Variants in TMEM108 observed in about 807,000 individuals in gnomAD.
TMEM108 encodes the protein transmembrane protein 108, also known as cancer/testis antigen 124.
Under a neutral mutation model 35.1 loss-of-function variants are expected in TMEM108, and 12 were observed. The observed-to-expected ratio is 0.34, with a 90% CI of 0.22 to 0.55. The LOEUF (loss-of-function observed/expected upper bound fraction) is 0.55, where lower values mean the gene tolerates loss of function less well. Ranked by LOEUF, TMEM108 falls within the 20% of genes least tolerant of loss-of-function variation. The pLI, the probability that TMEM108 is intolerant of heterozygous loss-of-function variation, is 0.89. For missense variants in TMEM108, 680 were observed against 753.3 expected, an observed-to-expected ratio of 0.90 and a Z score of 1.14; for synonymous variants, 287 against 308.6, an observed-to-expected ratio of 0.93 and a Z score of 0.73.
At chr3:133,176,904 T>C (rs1387403318) in intron 2 of TMEM108, among the ~76,000 whole-genome samples, 1 of 151,668 alleles carries the variant, frequency 6.6e-6, no homozygotes, top group Non-Finnish European at 1.5e-5. Context: ...ATCAACAAAA[T>C]TGATAGACCG....
chr3:133,301,211 C>A (rs991604935), intron 3 of TMEM108, among the ~76,000 whole-genome samples: 1 of 152,128 alleles, frequency 6.6e-6, no homozygotes, highest in Non-Finnish European at 1.5e-5. Flanking sequence ...CAAGGTGCCT[C>A]ACTTCATTCT....
chr3:133,197,677 C>T (rs764366290), intron 2 of TMEM108, among the ~76,000 whole-genome samples: 2 of 146,450 alleles, frequency 1.4e-5, no homozygotes, highest in East Asian at 2.1e-4. Context: ...AGCCTGCACC[C>T]GAGGTAGAAT....
intron 3 of TMEM108, among the ~76,000 whole-genome samples, chr3:133,306,699 A>T (rs1299793396): frequency 1.3e-5 from 2 of 152,080 alleles, no homozygotes; most frequent in Non-Finnish European, 2.9e-5. Context: ...ACATGAACTC[A>T]TCCTTTTTTA....
At chr3:133,351,266 C>T (rs915595382) in intron 3 of TMEM108, among the ~76,000 whole-genome samples, 2 of 152,132 alleles carry the variant, frequency 1.3e-5, no homozygotes, top group Non-Finnish European at 2.9e-5. Context: ...TTTATTTCAC[C>T]TGTGTGTCTG....
At chr3:133,360,056 A>G (rs2072299444) in intron 3 of TMEM108, among the ~76,000 whole-genome samples, 1 of 151,360 alleles carries the variant, frequency 6.6e-6, no homozygotes, top group African/African-American at 2.4e-5. Context: ...CAGCAAATGG[A>G]TAAATTTCGC....
chr3:133,274,966 T>C (rs1946819241), intron 3 of TMEM108, among the ~76,000 whole-genome samples: 1 of 152,220 alleles, frequency 6.6e-6, no homozygotes, highest in Admixed American at 6.5e-5. Flanking sequence ...CTCAAAACCA[T>C]TGGTTCCAAG....
At position 133,232,924 on chromosome 3, in the gene TMEM108, CT is replaced by C. The variant is rs530235114; in HGVS notation, c.40+3576del. Among the ~76,000 whole-genome samples, 17 of 152,044 alleles carry C rather than the reference CT, an allele frequency of 1.1e-4. No homozygotes were observed. The South Asian group carries it at 1.5e-3, about 13-fold the overall frequency. ...AAACCAGATACTGTCATTCATTTTT[CT>C]TTCTGAGACCTAAATAATCAATTAG... On this transcript the variant is annotated intron_variant, in intron 3 of 5. Transcript: ENST00000321871.
At chr3:133,181,028 A>AAAAAAC (rs1945334442) in intron 2 of TMEM108, among the ~76,000 whole-genome samples, 1 of 144,770 alleles carries the variant, frequency 6.9e-6, no homozygotes, top group African/African-American at 2.8e-5. Flanking sequence ...AAAAAAAAAA[A>AAAAAAC]AAAAAAAAAA....
chr3:133,356,642 G>A (rs908847724), intron 3 of TMEM108, among the ~76,000 whole-genome samples: 5 of 151,950 alleles, frequency 3.3e-5, no homozygotes, highest in Non-Finnish European at 7.4e-5. Flanking sequence ...CCAATGGGAC[G>A]GAATAGAGAA....
At chr3:133,385,918 G>A (rs1000196180) in intron 4 of TMEM108, among the ~76,000 whole-genome samples, 13 of 152,198 alleles carry the variant, frequency 8.5e-5, no homozygotes, top group African/African-American at 3.1e-4. Flanking sequence ...ATTATTGGGG[G>A]AAACACCTGT....
intron 2 of TMEM108, among the ~76,000 whole-genome samples, chr3:133,158,520 G>T (rs574711638): frequency 6.7e-6 from 1 of 148,308 alleles, no homozygotes. Flanking sequence ...GACGTAGGTC[G>T]ACTTAAGGAA....
intron 2 of TMEM108, among the ~76,000 whole-genome samples, chr3:133,181,008 T>TAAAAAAAAAA (rs369228472): frequency 0.035 from 2,687 of 75,704 alleles, 323 homozygotes; most frequent in Non-Finnish European, 0.05. Flanking sequence ...GCAGTTGTGT[T>TAAAAAAAAAA]AAAAAAAAAA....
At chr3:133,282,454 A>G (rs780286914) in intron 3 of TMEM108, among the ~76,000 whole-genome samples, 1 of 152,166 alleles carries the variant, frequency 6.6e-6, no homozygotes. Flanking sequence ...TCCCACCACA[A>G]CATATCCATG....
intron 2 of TMEM108, among the ~76,000 whole-genome samples, chr3:133,222,099 G>T (rs757883490): frequency 6.6e-6 from 1 of 152,086 alleles, no homozygotes; most frequent in Non-Finnish European, 1.5e-5. Context: ...TGTAAGACAC[G>T]CCTGGTGGTG....
chr3:133,245,164 T>G (rs1946367472), intron 3 of TMEM108, among the ~76,000 whole-genome samples: 1 of 152,160 alleles, frequency 6.6e-6, no homozygotes, highest in African/African-American at 2.4e-5. Flanking sequence ...GCCACTGTGT[T>G]TAGTGCATGA....
chr3:133,111,595 G>T (rs947207622), intron 2 of TMEM108, among the ~76,000 whole-genome samples: 3 of 151,998 alleles, frequency 2.0e-5, no homozygotes, highest in African/African-American at 7.3e-5. Flanking sequence ...ACAATACATT[G>T]CTTCATTTTT....
intron 2 of TMEM108, among the ~76,000 whole-genome samples, chr3:133,173,873 G>C (rs915605717): frequency 1.3e-5 from 2 of 152,196 alleles, no homozygotes; most frequent in Non-Finnish European, 2.9e-5. Context: ...GCCGAAGCAG[G>C]GTGAGGCATC....
chr3:133,267,256 C>A (rs1946712604), intron 3 of TMEM108, among the ~76,000 whole-genome samples: 1 of 152,134 alleles, frequency 6.6e-6, no homozygotes, highest in Non-Finnish European at 1.5e-5. Flanking sequence ...CTCTAAGGAG[C>A]TCACAGAGTC....
rs1396742613 is a variant in TMEM108 at position 133,396,797 on chromosome 3, T to C, written c.*811T>C. ...GATGCAGATCCCGGCCCTGGAGCTT[T>C]AAAATGCTTGCCCTTCCTTCTTCAA... On this transcript the variant is annotated 3_prime_UTR_variant, in exon 6 of 6. Transcript: ENST00000321871. The C allele has an allele frequency of 6.6e-6, 1 of 152,168 alleles. No homozygotes were observed. The highest frequency in any genetic ancestry group is 6.5e-5 in the Admixed American group (1 of 15,276). 9.4% of individuals were successfully genotyped at this position (152,168 alleles called of 1,614,324 possible).
Sources: allele counts gnomAD v4.1 joint callset (sites outside exome capture counted in the v4.1 genomes callset), GRCh38; gene constraint gnomAD v4.1.1; transcripts MANE v1.5; gene names NCBI Gene and HGNC (gene_info 2026-07-23, HGNC 2026-07-21).